The following PIGL variants were observed in gnomAD, a reference collection of about 807,000 sequenced individuals.
PIGL encodes the protein phosphatidylinositol glycan anchor biosynthesis class L.
A neutral mutation model predicts 31.1 loss-of-function variants in PIGL; 22 were observed. The ratio of observed to expected loss-of-function variants is 0.71; its 90% CI spans 0.51 to 1.01. PIGL has a LOEUF of 1.01. Among genes scored for constraint, PIGL ranks in the 50% least tolerant of loss-of-function variants. The pLI is 0.00. For missense variants in PIGL, 302 were observed against 315.9 expected (o/e 0.96, Z 0.33); for synonymous variants, 131 against 117.4 (o/e 1.12, Z -0.75).
At chr17:16,316,757 C>T in intron 5 of PIGL, 45 bp downstream of exon 5, 1 of 1,604,490 alleles carries the variant, frequency 6.2e-7, no homozygotes, top group South Asian at 1.1e-5. Flanking sequence ...TACTGTCCCT[C>T]TGAGAAACTT....
At chr17:16,260,368 A>AC (rs1454840691) in intron 2 of PIGL, among the ~76,000 whole-genome samples, 1 of 152,178 alleles carries the variant, frequency 6.6e-6, no homozygotes, top group Non-Finnish European at 1.5e-5. Flanking sequence ...GCCCATGGCA[A>AC]ACCATGGACC....
At chr17:16,224,797 C>T (rs911440933) in intron 1 of PIGL, among the ~76,000 whole-genome samples, 1 of 152,106 alleles carries the variant, frequency 6.6e-6, no homozygotes, top group Non-Finnish European at 1.5e-5. Context: ...GCTGGGACTA[C>T]GGGCATGTGC....
chr17:16,258,020 G>A (rs1287223911), intron 2 of PIGL, among the ~76,000 whole-genome samples: 6 of 146,066 alleles, frequency 4.1e-5, no homozygotes, highest in Admixed American at 1.4e-4. Flanking sequence ...TTGAGATAGC[G>A]CCACTGCACT....
chr17:16,228,934 G>C (rs1287084689), intron 1 of PIGL, among the ~76,000 whole-genome samples: 2 of 152,028 alleles, frequency 1.3e-5, no homozygotes, highest in Non-Finnish European at 2.9e-5. Context: ...ATGCTAATTA[G>C]CATACTGTTT....
chr17:16,238,223 A>G (rs1325396002), intron 2 of PIGL, among the ~76,000 whole-genome samples: 4 of 151,620 alleles, frequency 2.6e-5, no homozygotes, highest in Admixed American at 6.6e-5. Flanking sequence ...AGAATTTAAT[A>G]AAACATGAAA....
At chr17:16,245,822 T>TA (rs1555851514) in intron 2 of PIGL, among the ~76,000 whole-genome samples, 9 of 139,626 alleles carry the variant, frequency 6.4e-5, no homozygotes, top group Non-Finnish European at 9.3e-5. Context: ...ATATATATAT[T>TA]TTTTTTTGAG....
intron 6 of PIGL, among the ~76,000 whole-genome samples, chr17:16,321,462 A>G: frequency 6.6e-6 from 1 of 151,932 alleles, no homozygotes; most frequent in Non-Finnish European, 1.5e-5. Context: ...CTGATCTTGA[A>G]TTCCTGACCT....
chr17:16,243,195 C>T (rs1568790376), intron 2 of PIGL, among the ~76,000 whole-genome samples: 3 of 151,986 alleles, frequency 2.0e-5, no homozygotes, highest in African/African-American at 7.2e-5. Context: ...GGATCACAGG[C>T]GTGTGCCACC....
chr17:16,272,914 AT>A lies in PIGL; in HGVS notation c.336-26971del, dbSNP rs140455764. Among the ~76,000 whole-genome samples, 1,009 of 152,254 alleles carry A rather than the reference AT, an allele frequency of 6.6e-3. 17 individuals carry two copies. Among genetic ancestry groups the A allele is most frequent in the African/African-American group, 0.023 (975 of 41,538 alleles). On this transcript the variant is annotated intron_variant, in intron 2 of 6. Transcript: ENST00000225609. ...CACACTCTGTAGTTGTGATTGAGGT[AT>A]TTACAAAAAACTGGTGCCCCACTGA...
intron 2 of PIGL, among the ~76,000 whole-genome samples, chr17:16,241,975 T>C (rs890260135): frequency 6.6e-6 from 1 of 152,106 alleles, no homozygotes; most frequent in East Asian, 1.9e-4. Context: ...TTAGCAAATC[T>C]CTTTGAAGTT....
chr17:16,294,005 C>T (rs1265764691), intron 2 of PIGL, among the ~76,000 whole-genome samples: 1 of 152,120 alleles, frequency 6.6e-6, no homozygotes, highest in Non-Finnish European at 1.5e-5. Flanking sequence ...CTGTGTCATA[C>T]CTGATAGCAG....
chr17:16,279,593 A>G (rs2092908651), intron 2 of PIGL: 1 of 152,156 alleles, frequency 6.6e-6, no homozygotes, highest in South Asian at 2.1e-4. Context: ...TTTTCTATAG[A>G]AGTTTTATTA....
intron 2 of PIGL, among the ~76,000 whole-genome samples, chr17:16,288,855 G>A (rs184477338): frequency 7.7e-4 from 118 of 152,324 alleles, no homozygotes; most frequent in South Asian, 2.1e-3. Context: ...TCTTTAATAG[G>A]TCTCTTTAAT....
intron 1 of PIGL, among the ~76,000 whole-genome samples, chr17:16,228,099 T>G (rs1433683285): frequency 6.7e-6 from 1 of 148,152 alleles, no homozygotes; most frequent in Admixed American, 6.8e-5. Context: ...TTGCCCACAC[T>G]AGAGTGCAAT....
intron 2 of PIGL, among the ~76,000 whole-genome samples, chr17:16,263,273 G>A (rs1053442655): frequency 2.6e-5 from 4 of 151,790 alleles, no homozygotes; most frequent in Non-Finnish European, 4.4e-5. Flanking sequence ...CAAACTCCTG[G>A]GCTAAAGTGA....
chr17:16,255,095 TCA>T (rs1381570164), intron 2 of PIGL, among the ~76,000 whole-genome samples: 1 of 152,232 alleles, frequency 6.6e-6, no homozygotes. Flanking sequence ...CCCACTTTCC[TCA>T]GTTTTTATTT....
intron 6 of PIGL, among the ~76,000 whole-genome samples, chr17:16,325,138 GATCGAGACT>G (rs2093121693): frequency 6.6e-6 from 1 of 151,984 alleles, no homozygotes; most frequent in African/African-American, 2.4e-5. Flanking sequence ...TAGGTCAGGA[GATCGAGACT>G]ATCCTGGCTA....
intron 1 of PIGL, among the ~76,000 whole-genome samples, chr17:16,221,672 T>C (rs1012102981): frequency 3.9e-5 from 6 of 152,028 alleles, no homozygotes; most frequent in African/African-American, 1.2e-4. Flanking sequence ...CAGGCTGGAG[T>C]GCAGTGGCAC....
At chr17:16,245,923 C>A (rs1275948400) in intron 2 of PIGL, among the ~76,000 whole-genome samples, 1 of 151,404 alleles carries the variant, frequency 6.6e-6, no homozygotes, top group Non-Finnish European at 1.5e-5. Context: ...GGGTTCACAC[C>A]ATTCTCCCAC....
Sources: gnomAD v4.1 joint callset for allele counts (sites outside exome capture counted in the v4.1 genomes callset) on GRCh38, gnomAD v4.1.1 for gene constraint, MANE v1.5 for transcripts, NCBI Gene and HGNC (gene_info 2026-07-23, HGNC 2026-07-21) for gene names.